GLT6D1: variants seen among roughly 807,000 people sequenced by gnomAD.
GLT6D1 encodes the protein putative glycosyltransferase 6 domain-containing protein 1.
A neutral mutation model predicts 12.3 loss-of-function variants in GLT6D1; 9 were observed. The ratio of observed to expected loss-of-function variants is 0.73; its 90% CI spans 0.44 to 1.27. The LOEUF is 1.27. Ranked by LOEUF, GLT6D1 falls within the 50% of genes most tolerant of loss-of-function variation. GLT6D1 has a pLI of 0.00. For synonymous variants in GLT6D1, 128 were observed against 132.3 expected, an observed-to-expected ratio of 0.97 and a Z score of 0.23; for missense variants, 335 against 346.2, an observed-to-expected ratio of 0.97 and a Z score of 0.26.
At position 135,623,822 on chromosome 9, in the gene GLT6D1, A is replaced by G. The variant is rs1040679723; in HGVS notation, c.*275T>C. 8.7e-6 allele frequency: 3 copies of G among 343,246 alleles called. No individual in the cohort carries two copies. The Admixed American group carries it at 1.3e-4, about 15-fold the overall frequency. The allele number at this position is 343,246 out of a possible 1,614,324, so 21.3% of individuals were successfully genotyped here. A position where few individuals can be genotyped will look rare whatever the true frequency, so the allele number is the denominator to read the frequency against. ...TACTGTGTATTAACATTAAGTAATT[A>G]TCCTTTTATTCTTTATCCTACATTA... On this transcript the variant is annotated 3_prime_UTR_variant, in exon 5 of 5. Transcript: ENST00000371763.
upstream of GLT6D1, among the ~76,000 whole-genome samples, chr9:135,640,583 G>T (rs1377964828): frequency 6.6e-6 from 1 of 151,994 alleles, no homozygotes; most frequent in Non-Finnish European, 1.5e-5. Flanking sequence ...AGCCAGGTGT[G>T]GTGGCTCACG....
At chr9:135,629,747 C>T (rs2119137744) in intron 3 of GLT6D1, among the ~76,000 whole-genome samples, 1 of 152,170 alleles carries the variant, frequency 6.6e-6, no homozygotes, top group East Asian at 1.9e-4. Flanking sequence ...TCAGTTTTTG[C>T]TTCATATGTT....
At chr9:135,632,287 C>T (rs1833666826) in intron 2 of GLT6D1, among the ~76,000 whole-genome samples, 1 of 152,216 alleles carries the variant, frequency 6.6e-6, no homozygotes, top group Admixed American at 6.5e-5. Context: ...GGTGTGCCAT[C>T]ACACCCGGCT....
At chr9:135,634,187 G>A (rs1377537169) in intron 2 of GLT6D1, among the ~76,000 whole-genome samples, 1 of 152,104 alleles carries the variant, frequency 6.6e-6, no homozygotes. Context: ...GGAGTGCAGT[G>A]GTGCGATTTC....
intron 2 of GLT6D1, among the ~76,000 whole-genome samples, chr9:135,634,792 C>A (rs1833733966): frequency 6.6e-6 from 1 of 151,706 alleles, no homozygotes; most frequent in Non-Finnish European, 1.5e-5. Flanking sequence ...CGCCACACTC[C>A]ACTCAGCCTC....
intron 2 of GLT6D1, 55 bp from the exon 3 acceptor site, chr9:135,631,533 A>C: frequency 7.6e-7 from 1 of 1,317,422 alleles, no homozygotes. Flanking sequence ...ATGTTTATTG[A>C]GCCTGTGATA....
rs1419055180 is a variant in GLT6D1, at chr9:135,624,321, T to A, written c.607A>T (p.Thr203Ser). 1.2e-6 allele frequency: 2 copies of A among 1,610,380 alleles called. No individual in the cohort carries two copies. The highest frequency in any genetic ancestry group is 1.1e-5 in the South Asian group (1 of 90,708). Residue 203 changes from threonine (T) to serine (S), a missense_variant, in exon 5 of 5, where the codon ACC becomes TCC. Coordinates refer to ENST00000371763, the MANE Select transcript of GLT6D1 (RefSeq NM_182974.3). ...CTCCTCTCATAAGGGAAGTTCTTGG[T>A]GTTTCTGAAATACCACCAGGCGTGG... The part of the protein sequence containing the change: ...QLHAWWYFRN[T>S]KNFPYERRPT...
At chr9:135,627,170 G>T (rs1412031038) in intron 3 of GLT6D1, among the ~76,000 whole-genome samples, 1 of 151,772 alleles carries the variant, frequency 6.6e-6, no homozygotes, top group African/African-American at 2.4e-5. Context: ...AGATTGGGAA[G>T]GAAAAAAACA....
intron 2 of GLT6D1, among the ~76,000 whole-genome samples, chr9:135,634,457 TTTTTTTTG>T (rs1211814403): frequency 2.8e-5 from 4 of 144,366 alleles, no homozygotes; most frequent in Admixed American, 1.4e-4. Flanking sequence ...TTTTTTTTTT[TTTTTTTTG>T]GCATGATTTA....
intron 2 of GLT6D1, among the ~76,000 whole-genome samples, chr9:135,633,703 G>A (rs899457788): frequency 6.6e-6 from 1 of 152,114 alleles, no homozygotes; most frequent in African/African-American, 2.4e-5. Context: ...AAATTCAAAT[G>A]TTACTGAGCA....
At chr9:135,637,371 T>C (rs1833799913) in intron 2 of GLT6D1, among the ~76,000 whole-genome samples, 1 of 150,658 alleles carries the variant, frequency 6.6e-6, no homozygotes, top group Non-Finnish European at 1.5e-5. Context: ...AGGGTTTGTG[T>C]GGACATAAGT....
intron 2 of GLT6D1, among the ~76,000 whole-genome samples, chr9:135,638,728 T>G (rs11103122): frequency 0.48 from 72,904 of 152,074 alleles, 18,681 homozygotes; most frequent in Non-Finnish European, 0.59. Context: ...AACAATGAAA[T>G]AATTAAAATA....
At chr9:135,630,792 T>C (rs1833626633) in intron 3 of GLT6D1, among the ~76,000 whole-genome samples, 1 of 152,106 alleles carries the variant, frequency 6.6e-6, no homozygotes, top group African/African-American at 2.4e-5. Flanking sequence ...AACTAGCAGC[T>C]TTGCCAAACA....
chr9:135,632,729 G>T (rs993624108), intron 2 of GLT6D1, among the ~76,000 whole-genome samples: 1 of 149,562 alleles, frequency 6.7e-6, no homozygotes, highest in Non-Finnish European at 1.5e-5. Flanking sequence ...GTGCAGTGGC[G>T]CAATCTCAGC....
chr9:135,624,479 TGCACCA>T lies in GLT6D1; in HGVS notation c.443_448del (p.Leu148_Val149del). ...GATGTGTTCACCCAGGCTCTTCACATGCACCAGGGGGCCATCGAGCCACCACCTCTC... is the reference window on the plus strand; with the variant it reads ...GATGTGTTCACCCAGGCTCTTCACATGGGGGCCATCGAGCCACCACCTCTC... On this transcript the variant is annotated inframe_deletion, in exon 5 of 5. Coordinates refer to ENST00000371763, the MANE Select transcript of GLT6D1 (RefSeq NM_182974.3). 1 of 1,612,582 alleles carries T rather than the reference TGCACCA, an allele frequency of 6.2e-7. No individual in the cohort carries two copies. Among genetic ancestry groups the T allele is most frequent in the Non-Finnish European group, 8.5e-7 (1 of 1,179,446 alleles).
chr9:135,635,317 G>A (rs971714933), intron 2 of GLT6D1, among the ~76,000 whole-genome samples: 2 of 152,274 alleles, frequency 1.3e-5, no homozygotes, highest in East Asian at 3.9e-4. Context: ...TATAGAATTT[G>A]TAAAAAAAAT....
intron 3 of GLT6D1, among the ~76,000 whole-genome samples, chr9:135,628,890 A>G (rs533743316): frequency 1.7e-3 from 264 of 152,130 alleles, no homozygotes; most frequent in African/African-American, 5.7e-3. Context: ...TATTTCTGGA[A>G]GTTGGTGGTC....
intron 2 of GLT6D1, among the ~76,000 whole-genome samples, chr9:135,632,099 GCTT>G (rs1246447032): frequency 2.7e-5 from 4 of 150,518 alleles, no homozygotes; most frequent in African/African-American, 9.8e-5. Flanking sequence ...AAATTAGCAA[GCTT>G]ATTAGGCAAC....
chr9:135,628,350 T>C (rs1833564210), intron 3 of GLT6D1, among the ~76,000 whole-genome samples: 1 of 152,154 alleles, frequency 6.6e-6, no homozygotes, highest in South Asian at 2.1e-4. Flanking sequence ...GAGGTTTTTA[T>C]ATTCTGTATT....
Sources: gnomAD v4.1 joint callset for allele counts (sites outside exome capture counted in the v4.1 genomes callset) on GRCh38, gnomAD v4.1.1 for gene constraint, MANE v1.5 for transcripts, NCBI Gene and HGNC (gene_info 2026-07-23, HGNC 2026-07-21) for gene names.